The following SNX29 variants were observed in gnomAD, a reference collection of about 807,000 sequenced individuals.
SNX29 encodes sorting nexin 29.
Under a neutral mutation model 102.1 loss-of-function variants are expected in SNX29, and 78 were observed. The ratio of observed to expected loss-of-function variants is 0.76; its 90% CI spans 0.64 to 0.92. The LOEUF (loss-of-function observed/expected upper bound fraction) is 0.92. Among genes scored for constraint, SNX29 ranks in the 40% least tolerant of loss-of-function variants. The probability of loss-of-function intolerance (pLI) is 0.00; values close to 1 mark genes in which losing one functional copy is unlikely to be tolerated. For synonymous variants in SNX29, 580 were observed against 414.5 expected (o/e 1.40, Z -4.85); for missense variants, 1,280 against 1,061.7 (o/e 1.21, Z -2.86).
chr16:12,091,921 C>G (rs926223362), intron 11 of SNX29, among the ~76,000 whole-genome samples: 13 of 152,256 alleles, frequency 8.5e-5, no homozygotes, highest in African/African-American at 3.1e-4. Flanking sequence ...TCTTGGACTT[C>G]CAGCTGCCAG....
intron 18 of SNX29, among the ~76,000 whole-genome samples, chr16:12,470,170 A>G (rs1023806398): frequency 1.3e-5 from 2 of 152,222 alleles, no homozygotes; most frequent in African/African-American, 2.4e-5. Flanking sequence ...GAATATTACA[A>G]CATGCAGAAA....
chr16:11,986,626 T>G (rs1318932752), intron 1 of SNX29, among the ~76,000 whole-genome samples: 4 of 152,236 alleles, frequency 2.6e-5, no homozygotes, highest in Non-Finnish European at 4.4e-5. Flanking sequence ...AAAGGCAGCA[T>G]AGCATTCCAC....
chr16:12,509,184 G>A (rs1018156417), intron 19 of SNX29, among the ~76,000 whole-genome samples: 2 of 152,210 alleles, frequency 1.3e-5, no homozygotes, highest in African/African-American at 4.8e-5. Flanking sequence ...TAAAGCCTCT[G>A]AGAATCTCTA....
intron 15 of SNX29, among the ~76,000 whole-genome samples, chr16:12,290,428 A>G (rs76875280): frequency 1.2e-4 from 18 of 151,476 alleles, no homozygotes; most frequent in African/African-American, 4.4e-4. Flanking sequence ...ACCCCACTGC[A>G]CTCTTGAAGA....
intron 10 of SNX29, among the ~76,000 whole-genome samples, chr16:12,073,566 C>G (rs914555671): frequency 1.3e-5 from 2 of 152,068 alleles, no homozygotes; most frequent in African/African-American, 4.8e-5. Context: ...TTTACATTTG[C>G]TGAGGAGAGC....
At chr16:12,046,163 G>A (rs749461296) in intron 5 of SNX29, among the ~76,000 whole-genome samples, 10 of 152,184 alleles carry the variant, frequency 6.6e-5, no homozygotes, top group Non-Finnish European at 1.3e-4. Context: ...CTCTAAAGCT[G>A]AGGGTCGGCA....
intron 20 of SNX29, chr16:12,545,702 G>A (rs1361698520): frequency 1.3e-5 from 2 of 152,330 alleles, no homozygotes; most frequent in Non-Finnish European, 2.9e-5. Flanking sequence ...GCTGGTGCAA[G>A]GTGGGTGGCC....
At chr16:12,195,246 A>G (rs954193848) in intron 13 of SNX29, among the ~76,000 whole-genome samples, 2 of 152,204 alleles carry the variant, frequency 1.3e-5, no homozygotes, top group Non-Finnish European at 2.9e-5. Context: ...ATAGCGTCCT[A>G]TTATAGGAGG....
chr16:12,104,294 G>A (rs2053139952), intron 11 of SNX29, among the ~76,000 whole-genome samples: 1 of 152,202 alleles, frequency 6.6e-6, no homozygotes, highest in African/African-American at 2.4e-5. Flanking sequence ...GGTGGCTCAT[G>A]CCTGTAATCC....
intron 11 of SNX29, among the ~76,000 whole-genome samples, chr16:12,107,987 G>C (rs1018056566): frequency 5.3e-5 from 8 of 152,064 alleles, no homozygotes; most frequent in African/African-American, 1.9e-4. Context: ...AGTGGAATGA[G>C]ACTTCGAAAT....
At chr16:12,052,293 T>C (rs1356628706) in intron 8 of SNX29, 71 bp downstream of exon 8, 1 of 1,546,056 alleles carries the variant, frequency 6.5e-7, no homozygotes, top group Non-Finnish European at 8.9e-7. Context: ...CTCAGCTCAC[T>C]GCAACCTCCA....
chr16:12,129,871 A>C (rs80179825), intron 13 of SNX29, 113 bp downstream of exon 13: 1 of 1,290,920 alleles, frequency 7.7e-7, no homozygotes, highest in Non-Finnish European at 1.0e-6. Context: ...TTGGGAGGCC[A>C]AGGCGGGTGG....
At chr16:12,125,586 G>A (rs1218328592) in intron 11 of SNX29, among the ~76,000 whole-genome samples, 4 of 146,888 alleles carry the variant, frequency 2.7e-5, no homozygotes, top group African/African-American at 1.0e-4. Context: ...TGCAAGGGGG[G>A]CTTGTGGCTG....
At chr16:12,429,987 C>T (rs369593137) in intron 18 of SNX29, among the ~76,000 whole-genome samples, 3 of 152,204 alleles carry the variant, frequency 2.0e-5, no homozygotes, top group African/African-American at 4.8e-5. Flanking sequence ...TGTTAGGAAC[C>T]GGGCCACACA....
At chr16:12,568,302 GT>G (rs200422940) in intron 20 of SNX29, among the ~76,000 whole-genome samples, 375 of 18,982 alleles carry the variant, frequency 0.02, 4 homozygotes, top group African/African-American at 0.082. Flanking sequence ...TCGGAGTGCT[GT>G]TAAAAAAAAA....
Position 12,150,703 on chromosome 16 carries a change from A to G in SNX29, c.1595+20945A>G, listed in dbSNP as rs562519644. On this transcript the variant is annotated intron_variant, in intron 13 of 20. Transcript: ENST00000566228. Reference sequence around the variant, plus strand: ...CCTTTGTAATTGCCACGGTCACAGTATCGGGAGGCCCCAAGTCCGTGAGGA... The same window carrying G: ...CCTTTGTAATTGCCACGGTCACAGTGTCGGGAGGCCCCAAGTCCGTGAGGA... Among the ~76,000 whole-genome samples, 5 of 152,336 alleles carry G rather than the reference A, an allele frequency of 3.3e-5. No homozygotes were observed. The South Asian group carries it at 1.0e-3, about 32-fold the overall frequency.
At position 12,569,900 on chromosome 16, in the gene SNX29, T is replaced by G. The variant is rs2079150280; in HGVS notation, c.*1271T>G. 4.3e-6 allele frequency: 1 copy of G among 231,738 alleles called. No individual in the cohort carries two copies. Among genetic ancestry groups the G allele is most frequent in the African/African-American group, 2.2e-5 (1 of 45,122 alleles). 14.4% of individuals were successfully genotyped at this position (231,738 alleles called of 1,614,324 possible). On this transcript the variant is annotated 3_prime_UTR_variant, in exon 21 of 21. Coordinates refer to ENST00000566228, the MANE Select transcript of SNX29 (RefSeq NM_032167.5). ...TAAGTTTGTGTGTTTCGCCTTAATC[T>G]GAGGCAGAGACACAGCAGAACCTGA... is the stretch of plus-strand genomic sequence containing the variant.
intron 15 of SNX29, among the ~76,000 whole-genome samples, chr16:12,310,928 A>G (rs536847072): frequency 1.3e-5 from 2 of 152,240 alleles, no homozygotes; most frequent in Non-Finnish European, 2.9e-5. Flanking sequence ...GAAGTAGCAC[A>G]TCCCCCACAG....
intron 15 of SNX29, among the ~76,000 whole-genome samples, chr16:12,306,479 T>C (rs2080343258): frequency 1.3e-5 from 2 of 152,326 alleles, no homozygotes; most frequent in Middle Eastern, 3.4e-3. Flanking sequence ...TTGTAGTTTG[T>C]TGAAATAGAA....
Sources: gnomAD v4.1 joint callset for allele counts (sites outside exome capture counted in the v4.1 genomes callset) on GRCh38, gnomAD v4.1.1 for gene constraint, MANE v1.5 for transcripts, NCBI Gene and HGNC (gene_info 2026-07-23, HGNC 2026-07-21) for gene names.